UNC80: variants seen among roughly 807,000 people sequenced by gnomAD.
The protein encoded by UNC80 is protein unc-80 homolog.
A neutral mutation model predicts 384.6 loss-of-function variants in UNC80; 164 were observed. That is an observed-to-expected ratio of 0.43 (90% CI 0.38 to 0.49). UNC80 has a LOEUF of 0.49. UNC80 is among the 20% of genes least tolerant of loss of function. The probability of loss-of-function intolerance (pLI) is 0.00; values close to 1 mark genes in which losing one functional copy is unlikely to be tolerated. For missense variants in UNC80, 3,330 were observed against 4,143.0 expected, an observed-to-expected ratio of 0.80 and a Z score of 5.39; for synonymous variants, 1,486 against 1,527.8, an observed-to-expected ratio of 0.97 and a Z score of 0.64.
At chr2:209,829,095 G>A in intron 14 of UNC80, 137 bp from the exon 15 acceptor site, 1 of 930,236 alleles carries the variant, frequency 1.1e-6, no homozygotes, top group African/African-American at 1.7e-5. Context: ...GACAAGAGGG[G>A]CTAGCAGGGT....
chr2:209,972,595 T>C (rs530708203), intron 55 of UNC80, among the ~76,000 whole-genome samples: 2 of 152,336 alleles, frequency 1.3e-5, no homozygotes, highest in African/African-American at 2.4e-5. Context: ...TTCAATTCAG[T>C]TGAGAAAATG....
intron 48 of UNC80, among the ~76,000 whole-genome samples, chr2:209,956,056 T>C (rs962385117): frequency 6.6e-6 from 1 of 151,974 alleles, no homozygotes; most frequent in Non-Finnish European, 1.5e-5. Context: ...TTTCTCCTCA[T>C]ATTACGTAAT....
At chr2:209,986,520 T>C (rs1183046397) in intron 61 of UNC80, among the ~76,000 whole-genome samples, 1 of 152,214 alleles carries the variant, frequency 6.6e-6, no homozygotes, top group African/African-American at 2.4e-5. Context: ...CACAAAGTTT[T>C]TGGTAGGTGA....
intron 7 of UNC80, among the ~76,000 whole-genome samples, chr2:209,812,445 T>C (rs1349834924): frequency 6.6e-6 from 1 of 151,420 alleles, no homozygotes; most frequent in African/African-American, 2.5e-5. Flanking sequence ...AGCCGTAGAT[T>C]TTTTAATTAA....
At chr2:209,812,787 G>A (rs1226225243) in intron 7 of UNC80, among the ~76,000 whole-genome samples, 1 of 152,056 alleles carries the variant, frequency 6.6e-6, no homozygotes, top group Non-Finnish European at 1.5e-5. Context: ...TCAATTTGTT[G>A]AACCTAAGAT....
intron 7 of UNC80, among the ~76,000 whole-genome samples, chr2:209,809,796 A>G (rs577108731): frequency 1.6e-4 from 25 of 152,218 alleles, no homozygotes; most frequent in Non-Finnish European, 3.1e-4. Context: ...GGACTCTGAA[A>G]GAGGCCTTCC....
At chr2:209,823,182 T>G (rs546164298) in intron 13 of UNC80, among the ~76,000 whole-genome samples, 1 of 152,326 alleles carries the variant, frequency 6.6e-6, no homozygotes, top group African/African-American at 2.4e-5. Context: ...GAATGTTATT[T>G]AATATCTTCA....
chr2:209,874,210 G>T (rs2084566985), intron 23 of UNC80, among the ~76,000 whole-genome samples: 1 of 152,080 alleles, frequency 6.6e-6, no homozygotes, highest in Non-Finnish European at 1.5e-5. Context: ...CCTTATGAAG[G>T]TTTATACAAG....
Position 209,775,919 on chromosome 2 carries a change from C to T in UNC80, c.172C>T (p.Leu58=), listed in dbSNP as rs1209558371. Residue 58 remains leucine (L), a synonymous_variant, in exon 3 of 65, where the codon CTG becomes TTG. Coordinates refer to ENST00000673920, the MANE Select transcript of UNC80 (RefSeq NM_001371986.1). Reference sequence around the variant, plus strand: ...TGAGCGAGTGTTGGTAGAAAACAAGCTGCATGGCCTCTCTCCAGCTCTCTC... The same window carrying T: ...TGAGCGAGTGTTGGTAGAAAACAAGTTGCATGGCCTCTCTCCAGCTCTCTC... ...SFERVLVENK[L]HGLSPALSEA... 3.7e-6 allele frequency: 6 copies of T among 1,613,998 alleles called. No individual in the cohort carries two copies. The East Asian group carries it at 1.3e-4, about 36-fold the overall frequency.
chr2:209,921,620 A>G lies in UNC80; in HGVS notation c.5464A>G (p.Ile1822Val). Reference sequence around the variant, plus strand: ...TAGAGAAGCCAGCCTCATCACTGCCATCCCCATCACCCAGGAGGCTTGCTA... The same window carrying G: ...TAGAGAAGCCAGCCTCATCACTGCCGTCCCCATCACCCAGGAGGCTTGCTA... ...LGREASLITA[I>V]PITQEACYEP... The change falls in exon 34 of 65, where the codon ATC becomes GTC. Residue 1822 changes from isoleucine (I) to valine (V), a missense_variant. By Grantham distance (29) the Ile-to-Val change is conservative. Coordinates refer to ENST00000673920, the MANE Select transcript of UNC80 (RefSeq NM_001371986.1). 1 of 1,551,742 alleles carries G rather than the reference A, an allele frequency of 6.4e-7. No homozygotes were observed. The highest frequency in any genetic ancestry group is 8.7e-7 in the Non-Finnish European group (1 of 1,146,992).
intron 8 of UNC80, among the ~76,000 whole-genome samples, chr2:209,814,351 T>A (rs1362864132): frequency 6.6e-6 from 1 of 152,050 alleles, no homozygotes; most frequent in African/African-American, 2.4e-5. Context: ...TTCTCCTGCC[T>A]CAGCCTCCTG....
intron 42 of UNC80, among the ~76,000 whole-genome samples, chr2:209,938,381 T>C (rs748319156): frequency 2.6e-5 from 4 of 152,228 alleles, no homozygotes; most frequent in Non-Finnish European, 5.9e-5. Flanking sequence ...TTTCTGTACA[T>C]ATCAAGGATA....
rs1361767061 is a variant in UNC80, at chr2:209,912,679, T to A, written c.4890+12T>A. ...ACATCAGACTTCAGGTATTGTTACCTGGATCAGAAGGATTCATGGAACTTT... is the reference window on the plus strand; with the variant it reads ...ACATCAGACTTCAGGTATTGTTACCAGGATCAGAAGGATTCATGGAACTTT... On this transcript the variant is annotated intron_variant, in intron 30 of 64. Transcript: ENST00000673920. 6.5e-7 allele frequency: 1 copy of A among 1,532,136 alleles called. No individual in the cohort carries two copies. The highest frequency in any genetic ancestry group is 8.8e-7 in the Non-Finnish European group (1 of 1,130,636). The allele number at this position is 1,532,136 out of a possible 1,614,324, so 94.9% of individuals were successfully genotyped here.
chr2:209,868,134 G>T (rs1288179193), intron 22 of UNC80, among the ~76,000 whole-genome samples: 1 of 152,168 alleles, frequency 6.6e-6, no homozygotes, highest in Non-Finnish European at 1.5e-5. Context: ...GTCTGGCAGA[G>T]AATTCAATAC....
At chr2:209,906,532 T>G (rs1289610202) in intron 29 of UNC80, among the ~76,000 whole-genome samples, 1 of 152,142 alleles carries the variant, frequency 6.6e-6, no homozygotes, top group Non-Finnish European at 1.5e-5. Flanking sequence ...AAGTTGAGAT[T>G]ATCCACACTT....
At chr2:209,843,082 A>T (rs2081889484) in intron 21 of UNC80, among the ~76,000 whole-genome samples, 2 of 152,216 alleles carry the variant, frequency 1.3e-5, no homozygotes, top group Non-Finnish European at 2.9e-5. Context: ...AGTTAGAAAC[A>T]TCTTTGATTT....
intron 47 of UNC80, among the ~76,000 whole-genome samples, chr2:209,947,712 TGTA>T (rs2091974932): frequency 6.6e-6 from 1 of 152,030 alleles, no homozygotes; most frequent in Non-Finnish European, 1.5e-5. Context: ...AAGTCTCTGT[TGTA>T]CTTAATTTTT....
chr2:209,816,808 C>A (rs2079774735), intron 9 of UNC80, 101 bp from the exon 10 acceptor site: 6 of 1,071,108 alleles, frequency 5.6e-6, no homozygotes, highest in Non-Finnish European at 1.4e-6. Flanking sequence ...CTCTTCCTGG[C>A]ACATTTCTTG....
At chr2:209,840,499 T>G (rs1165292029) in intron 19 of UNC80, 43 bp from the exon 20 acceptor site, 26 of 1,483,004 alleles carry the variant, frequency 1.8e-5, no homozygotes, top group Non-Finnish European at 2.2e-5. Flanking sequence ...ATTGATTGGA[T>G]AGAAAATGCT....
Sources: gnomAD v4.1 joint callset for allele counts (sites outside exome capture counted in the v4.1 genomes callset) on GRCh38, gnomAD v4.1.1 for gene constraint, MANE v1.5 for transcripts, NCBI Gene and HGNC (gene_info 2026-07-23, HGNC 2026-07-21) for gene names.